The following SHISA9 variants were observed in gnomAD, a reference collection of about 807,000 sequenced individuals.
SHISA9 encodes protein shisa-9.
Under a neutral mutation model 38.0 loss-of-function variants are expected in SHISA9, and 13 were observed. The observed-to-expected ratio is 0.34, with a 90% CI of 0.22 to 0.54. SHISA9 has a LOEUF of 0.54. SHISA9 is among the 20% of genes least tolerant of loss of function. SHISA9 has a pLI of 0.91. For missense variants in SHISA9, 538 were observed against 575.8 expected (o/e 0.93, Z 0.67); for synonymous variants, 275 against 242.0 (o/e 1.14, Z -1.27).
intron 2 of SHISA9, among the ~76,000 whole-genome samples, chr16:12,953,775 C>G (rs761288030): frequency 1.3e-5 from 2 of 152,158 alleles, no homozygotes; most frequent in African/African-American, 4.8e-5. Flanking sequence ...GTTTAATTGA[C>G]TCAGTTTTAC....
At chr16:13,223,186 G>A (rs2142076523) in intron 4 of SHISA9, among the ~76,000 whole-genome samples, 1 of 152,258 alleles carries the variant, frequency 6.6e-6, no homozygotes, top group African/African-American at 2.4e-5. Context: ...CAGTACTTTG[G>A]GAGGCTGAGG....
At chr16:13,055,052 A>G (rs2073294638) in intron 2 of SHISA9, among the ~76,000 whole-genome samples, 1 of 152,220 alleles carries the variant, frequency 6.6e-6, no homozygotes, top group Non-Finnish European at 1.5e-5. Context: ...TATGCATATC[A>G]TTATTAAATT....
the SHISA9 span, among the ~76,000 whole-genome samples, chr16:13,322,796 A>G: frequency 3.3e-5 from 5 of 152,190 alleles, no homozygotes; most frequent in Non-Finnish European, 7.3e-5. Flanking sequence ...TTAAAGCTAT[A>G]AAATCTTTGT....
chr16:13,496,825 G>A, the SHISA9 span, among the ~76,000 whole-genome samples: 1,261 of 152,072 alleles, frequency 8.3e-3, 17 homozygotes, highest in African/African-American at 0.029. Context: ...ACACACACAC[G>A]ATCTTGGCCA....
chr16:13,094,606 A>C (rs1343845706), intron 2 of SHISA9, among the ~76,000 whole-genome samples: 2 of 152,216 alleles, frequency 1.3e-5, no homozygotes, highest in Non-Finnish European at 2.9e-5. Context: ...AATACCACAC[A>C]TACTGTTTCT....
the SHISA9 span, among the ~76,000 whole-genome samples, chr16:13,378,808 A>G: frequency 6.6e-6 from 1 of 152,210 alleles, no homozygotes; most frequent in South Asian, 2.1e-4. Flanking sequence ...GTGATAAATC[A>G]CAAGGATCAT....
the SHISA9 span, among the ~76,000 whole-genome samples, chr16:13,305,107 G>A: frequency 6.6e-6 from 1 of 152,198 alleles, no homozygotes; most frequent in Non-Finnish European, 1.5e-5. Context: ...ATATCTTGGG[G>A]ATGGGGCCTA....
intron 2 of SHISA9, among the ~76,000 whole-genome samples, chr16:13,148,979 C>T (rs988275893): frequency 1.3e-5 from 2 of 152,162 alleles, no homozygotes; most frequent in African/African-American, 4.8e-5. Context: ...ACGTCAGTGC[C>T]TTCTCTACCC....
the SHISA9 span, among the ~76,000 whole-genome samples, chr16:13,399,973 A>C: frequency 6.6e-6 from 1 of 152,196 alleles, no homozygotes; most frequent in Non-Finnish European, 1.5e-5. Context: ...AGGGGTTGCC[A>C]TTTTGCCAAT....
the SHISA9 span, among the ~76,000 whole-genome samples, chr16:13,487,472 A>G: frequency 2.6e-5 from 4 of 152,218 alleles, no homozygotes; most frequent in Admixed American, 2.6e-4. Flanking sequence ...AGGGGCTGCC[A>G]CACACTTTTA....
the SHISA9 span, among the ~76,000 whole-genome samples, chr16:13,516,771 C>A: frequency 6.8e-6 from 1 of 146,408 alleles, no homozygotes; most frequent in African/African-American, 2.6e-5. Flanking sequence ...GCACTCTAGC[C>A]TGGGAAACAG....
At chr16:13,394,806 G>C in the SHISA9 span, among the ~76,000 whole-genome samples, 1 of 152,200 alleles carries the variant, frequency 6.6e-6, no homozygotes, top group Non-Finnish European at 1.5e-5. Context: ...GGACGAATGA[G>C]AGGCAGCAAT....
At chr16:13,138,489 G>T (rs1183290053) in intron 2 of SHISA9, among the ~76,000 whole-genome samples, 1 of 152,168 alleles carries the variant, frequency 6.6e-6, no homozygotes, top group Non-Finnish European at 1.5e-5. Context: ...CATCTCCTAT[G>T]ACACTGCCTG....
the SHISA9 span, among the ~76,000 whole-genome samples, chr16:13,435,129 G>T: frequency 6.6e-6 from 1 of 152,074 alleles, no homozygotes; most frequent in African/African-American, 2.4e-5. Context: ...CAGCTTCCAG[G>T]AATATCCCAA....
chr16:12,997,602 C>T (rs2072474427), intron 2 of SHISA9, among the ~76,000 whole-genome samples: 1 of 151,962 alleles, frequency 6.6e-6, no homozygotes, highest in Non-Finnish European at 1.5e-5. Context: ...GATAGGGTTT[C>T]ACCATGTTGA....
At chr16:13,108,122 C>T (rs900131327) in intron 2 of SHISA9, among the ~76,000 whole-genome samples, 2 of 149,696 alleles carry the variant, frequency 1.3e-5, no homozygotes, top group African/African-American at 4.9e-5. Flanking sequence ...CAAAGAGAGC[C>T]CCCCTCCGGC....
chr16:13,462,701 C>T, the SHISA9 span, among the ~76,000 whole-genome samples: 3 of 152,102 alleles, frequency 2.0e-5, no homozygotes, highest in Non-Finnish European at 4.4e-5. Flanking sequence ...GTGGCTCACA[C>T]GTGTAATCGT....
At chr16:13,520,443 C>CA in the SHISA9 span, among the ~76,000 whole-genome samples, 1,151 of 146,048 alleles carry the variant, frequency 7.9e-3, 18 homozygotes, top group African/African-American at 0.027. Flanking sequence ...ACTAAAAATA[C>CA]AAAAAAAAAA....
At chr16:13,451,694 T>G in the SHISA9 span, among the ~76,000 whole-genome samples, 1 of 152,284 alleles carries the variant, frequency 6.6e-6, no homozygotes, top group South Asian at 2.1e-4. Context: ...CTTTGCACAT[T>G]TATGCTCTCA....
Sources: allele counts gnomAD v4.1 joint callset (sites outside exome capture counted in the v4.1 genomes callset), GRCh38; gene constraint gnomAD v4.1.1; transcripts MANE v1.5; gene names NCBI Gene and HGNC (gene_info 2026-07-23, HGNC 2026-07-21).